Variants in SMURF2 observed in about 807,000 individuals in gnomAD.
SMURF2 encodes the protein E3 ubiquitin-protein ligase SMURF2.
In SMURF2, 48 loss-of-function variants were observed where a neutral mutation model predicts 109.6. That is an observed-to-expected ratio of 0.44 (90% CI 0.35 to 0.56). The LOEUF is 0.56. SMURF2 is among the 20% of genes least tolerant of loss of function. The pLI, the probability that SMURF2 is intolerant of heterozygous loss-of-function variation, is 0.01. For missense variants in SMURF2, 575 were observed against 909.0 expected, an observed-to-expected ratio of 0.63 and a Z score of 4.72; for synonymous variants, 288 against 317.1, an observed-to-expected ratio of 0.91 and a Z score of 0.97.
In SMURF2 at chr17:64,661,769, C is replaced by T. The variant is rs1970780858; in HGVS notation, c.52+60G>A. On this transcript the variant is annotated intron_variant, in intron 1 of 18. Coordinates refer to ENST00000262435, the MANE Select transcript of SMURF2 (RefSeq NM_022739.4). ...CCCTGGCCCTTCCCAAGGCCACAGGCACCCCCCGCCAGCTCGCCCACCCCG... is the reference window on the plus strand; with the variant it reads ...CCCTGGCCCTTCCCAAGGCCACAGGTACCCCCCGCCAGCTCGCCCACCCCG... 4 of 1,176,728 alleles carry T rather than the reference C, an allele frequency of 3.4e-6. No individual in the cohort carries two copies. The East Asian group carries it at 1.0e-4, about 29-fold the overall frequency. 72.9% of individuals were successfully genotyped at this position (1,176,728 alleles called of 1,614,324 possible).
intron 1 of SMURF2, among the ~76,000 whole-genome samples, chr17:64,635,552 T>C (rs978307345): frequency 6.6e-6 from 1 of 152,154 alleles, no homozygotes; most frequent in Non-Finnish European, 1.5e-5. Flanking sequence ...CTTCTGTCTA[T>C]GGATTTGCCA....
At chr17:64,549,026 G>A (rs1213422662) in intron 16 of SMURF2, among the ~76,000 whole-genome samples, 4 of 152,078 alleles carry the variant, frequency 2.6e-5, no homozygotes, top group Admixed American at 6.6e-5. Context: ...GCTCACGCCT[G>A]TAATCCTAGC....
chr17:64,600,696 C>T (rs1568190187), intron 2 of SMURF2, among the ~76,000 whole-genome samples: 2 of 152,150 alleles, frequency 1.3e-5, no homozygotes, highest in Non-Finnish European at 2.9e-5. Flanking sequence ...ATTTCAGTAA[C>T]ACCTAACCAT....
At chr17:64,621,930 G>A (rs1555690665) in intron 1 of SMURF2, among the ~76,000 whole-genome samples, 5 of 140,440 alleles carry the variant, frequency 3.6e-5, no homozygotes. Context: ...ATAATAAAAA[G>A]CACTGTAGTG....
chr17:64,634,354 C>G (rs1555691895), intron 1 of SMURF2, among the ~76,000 whole-genome samples: 1 of 152,118 alleles, frequency 6.6e-6, no homozygotes, highest in African/African-American at 2.4e-5. Context: ...AAATCTTTGA[C>G]TTTTTTGTGA....
At position 64,580,799 on chromosome 17, in the gene SMURF2, T is replaced by C. The variant is rs1969567453; in HGVS notation, c.762A>G (p.Pro254=). ...TTGTAGTTGTCATACCATAGCCTTC[T>C]GGTAGGTCTGGAGGAGTATGTAAAT... ...RTHLHTPPDL[P]EGYEQRTTQQ... is the part of the protein sequence containing the mutation. The change falls in exon 8 of 19, where the codon CCA becomes CCG. Residue 254 remains proline (P), a synonymous_variant. Transcript: ENST00000262435. The C allele has an allele frequency of 1.2e-6, 2 of 1,614,150 alleles. No individual in the cohort carries two copies. The highest frequency in any genetic ancestry group is 1.7e-4 in the Middle Eastern group (1 of 6,060).
At chr17:64,553,782 T>C (rs1449902005) in intron 15 of SMURF2, among the ~76,000 whole-genome samples, 1 of 152,218 alleles carries the variant, frequency 6.6e-6, no homozygotes, top group East Asian at 1.9e-4. Context: ...GAGCTGCTAG[T>C]TGAAGGGCAC....
intron 9 of SMURF2, among the ~76,000 whole-genome samples, chr17:64,577,364 T>C (rs1969507823): frequency 6.8e-6 from 1 of 147,000 alleles, no homozygotes; most frequent in Admixed American, 6.8e-5. Context: ...TGAGAACACT[T>C]GGACACAAGA....
intron 5 of SMURF2, among the ~76,000 whole-genome samples, chr17:64,590,677 G>GT (rs1360855631): frequency 3.3e-5 from 5 of 152,042 alleles, no homozygotes; most frequent in East Asian, 1.9e-4. Context: ...TGCTCATTCT[G>GT]TTTTTTCTCA....
At chr17:64,584,700 T>C (rs1969628619) in intron 6 of SMURF2, among the ~76,000 whole-genome samples, 2 of 152,070 alleles carry the variant, frequency 1.3e-5, no homozygotes, top group South Asian at 4.1e-4. Context: ...ATTAATTTAA[T>C]GAAAAAGAGC....
intron 8 of SMURF2, among the ~76,000 whole-genome samples, chr17:64,580,155 G>A (rs1196077507): frequency 6.6e-6 from 1 of 152,184 alleles, no homozygotes; most frequent in African/African-American, 2.4e-5. Context: ...AGGAAGTCAA[G>A]TTCAGACTAT....
In SMURF2 at chr17:64,547,223, C is replaced by T. The variant is rs554194340; in HGVS notation, c.2071+377G>A. On this transcript the variant is annotated intron_variant, in intron 17 of 18. Coordinates refer to ENST00000262435, the MANE Select transcript of SMURF2 (RefSeq NM_022739.4). The surrounding 1 kb of genome is among the most constrained non-coding windows in gnomAD (Gnocchi z 4.2). The stretch of plus-strand genomic sequence containing the variant: ...TGCTTCTGTCTAATAAGAGAAAGAA[C>T]GAAAAGTAGAGGGGAGAGGCATCCC... 2.6e-5 allele frequency among the ~76,000 whole-genome samples: 4 copies of T among 152,204 alleles called. No homozygotes were observed. The highest frequency in any genetic ancestry group is 4.4e-5 in the Non-Finnish European group (3 of 68,010).
intron 7 of SMURF2, 69 bp downstream of exon 7, chr17:64,583,391 CA>C (rs1489698372): frequency 1.4e-5 from 18 of 1,270,320 alleles, no homozygotes; most frequent in Non-Finnish European, 2.1e-5. Context: ...GTAAAGCTGA[CA>C]GATAAATAGA....
chr17:64,631,683 C>CA (rs111648252), intron 1 of SMURF2, among the ~76,000 whole-genome samples: 2 of 152,196 alleles, frequency 1.3e-5, no homozygotes, highest in African/African-American at 4.8e-5. Flanking sequence ...ATGAAACAAA[C>CA]AAAAAACAGA....
At chr17:64,661,802 C>G (rs1231324391) in intron 1 of SMURF2, 27 bp downstream of exon 1, 24 of 1,219,098 alleles carry the variant, frequency 2.0e-5, no homozygotes, top group Admixed American at 4.3e-5. Flanking sequence ...CCGCGGCTGC[C>G]CAGCCCGGCC....
chr17:64,619,461 C>A (rs897382630), intron 1 of SMURF2, among the ~76,000 whole-genome samples: 2 of 120,370 alleles, frequency 1.7e-5, no homozygotes, highest in African/African-American at 3.4e-5. Flanking sequence ...CTGGGTGACA[C>A]GGCGAGACTC....
intron 2 of SMURF2, among the ~76,000 whole-genome samples, chr17:64,605,651 C>T (rs1205537113): frequency 1.3e-5 from 2 of 150,044 alleles, no homozygotes; most frequent in Non-Finnish European, 3.0e-5. Flanking sequence ...ATAGGAGGAT[C>T]CCTTGAGCCC....
intron 4 of SMURF2, among the ~76,000 whole-genome samples, chr17:64,592,845 T>G (rs1452247149): frequency 6.6e-6 from 1 of 152,244 alleles, no homozygotes; most frequent in Non-Finnish European, 1.5e-5. Context: ...TTCTAAATCC[T>G]CAGGCTGATG....
chr17:64,557,514 C>T, intron 13 of SMURF2, 94 bp downstream of exon 13: 2 of 888,564 alleles, frequency 2.3e-6, no homozygotes, highest in Admixed American at 2.8e-5. Context: ...ACAACTAAGA[C>T]AAGGACAAAT....
Sources: allele counts gnomAD v4.1 joint callset (sites outside exome capture counted in the v4.1 genomes callset), GRCh38; gene constraint gnomAD v4.1.1; non-coding constraint Gnocchi (gnomAD v3.1); transcripts MANE v1.5; gene names NCBI Gene and HGNC (gene_info 2026-07-23, HGNC 2026-07-21).